Variants in SEMA3D observed in about 807,000 individuals in gnomAD.
SEMA3D encodes semaphorin 3D, also known as semaphorin-3D.
A neutral mutation model predicts 100.1 loss-of-function variants in SEMA3D; 84 were observed. That is an observed-to-expected ratio of 0.84 (90% CI 0.70 to 1.01). SEMA3D has a LOEUF of 1.01. Among genes scored for constraint, SEMA3D ranks in the 50% least tolerant of loss-of-function variants. SEMA3D has a pLI of 0.00. For missense variants in SEMA3D, 875 were observed against 934.1 expected, an observed-to-expected ratio of 0.94 and a Z score of 0.82; for synonymous variants, 312 against 320.7, an observed-to-expected ratio of 0.97 and a Z score of 0.29.
At chr7:85,078,890 G>T (rs553563840) in intron 5 of SEMA3D, among the ~76,000 whole-genome samples, 1 of 152,294 alleles carries the variant, frequency 6.6e-6, no homozygotes, top group Middle Eastern at 3.4e-3. Context: ...CGTAATAAAA[G>T]ATGTCAATAA....
At chr7:85,055,645 C>CATATATAT (rs56131427) in intron 9 of SEMA3D, 72 bp downstream of exon 9, 147 of 159,764 alleles carry the variant, frequency 9.2e-4, no homozygotes, top group Middle Eastern at 3.2e-3. Flanking sequence ...TTTTCATATA[C>CATATATAT]ATATATATAT....
upstream of SEMA3D, among the ~76,000 whole-genome samples, chr7:85,191,066 A>G (rs754054565): frequency 1.4e-4 from 21 of 152,136 alleles, no homozygotes; most frequent in Non-Finnish European, 5.9e-5. Flanking sequence ...TCTTAAGGCT[A>G]TATTTACTTA....
At chr7:85,166,417 G>A (rs1245001903) in intron 1 of SEMA3D, among the ~76,000 whole-genome samples, 1 of 151,924 alleles carries the variant, frequency 6.6e-6, no homozygotes, top group Non-Finnish European at 1.5e-5. Context: ...ACGATGGAAA[G>A]GAGGCAAGTT....
the SEMA3D span, among the ~76,000 whole-genome samples, chr7:85,240,460 T>C: frequency 6.6e-6 from 1 of 152,160 alleles, no homozygotes; most frequent in African/African-American, 2.4e-5. Flanking sequence ...TGTAGTTTAA[T>C]AATTTCTTCT....
the SEMA3D span, among the ~76,000 whole-genome samples, chr7:85,196,826 A>C: frequency 0.014 from 2,170 of 152,288 alleles, 45 homozygotes; most frequent in African/African-American, 0.05. Context: ...TAAAATGAAA[A>C]AGACAAAATG....
At chr7:85,150,410 A>G (rs1790343396) in intron 2 of SEMA3D, among the ~76,000 whole-genome samples, 1 of 144,682 alleles carries the variant, frequency 6.9e-6, no homozygotes, top group Non-Finnish European at 1.5e-5. Context: ...AGGGATATAT[A>G]TATATACACA....
chr7:85,096,939 C>T (rs1788574614), intron 4 of SEMA3D, among the ~76,000 whole-genome samples: 1 of 151,692 alleles, frequency 6.6e-6, no homozygotes, highest in Non-Finnish European at 1.5e-5. Flanking sequence ...TTAAACCGTG[C>T]AACTGCTCCT....
chr7:85,248,871 G>C, the SEMA3D span, among the ~76,000 whole-genome samples: 664 of 152,176 alleles, frequency 4.4e-3, 5 homozygotes, highest in African/African-American at 0.015. Context: ...TTTTAGAGGA[G>C]TAAAACTTCT....
Position 85,020,268 on chromosome 7 carries a change from C to T in SEMA3D, c.1468G>A (p.Glu490Lys), listed in dbSNP as rs1184265374. The change falls in exon 14 of 19, where the codon GAA becomes AAA. Residue 490 changes from glutamate to lysine, a missense_variant. By Grantham distance (56) the Glu-to-Lys change is moderately conservative. Transcript: ENST00000284136. ...TGCAACTCCTCCAGCACTACCTCTT[C>T]CATATTCCACTTTTCCTTTGAAATG... is the stretch of plus-strand genomic sequence containing the variant. ...VSISKEKWNM[E>K]EVVLEELQIF... is the part of the protein sequence containing the mutation. 5.0e-6 allele frequency: 8 copies of T among 1,610,100 alleles called. No homozygotes were observed.
upstream of SEMA3D, among the ~76,000 whole-genome samples, chr7:85,189,618 C>G (rs1483510161): frequency 6.6e-6 from 1 of 152,088 alleles, no homozygotes; most frequent in African/African-American, 2.4e-5. Context: ...TTAAAACCAC[C>G]TAATTGTTGC....
chr7:85,236,811 T>A, the SEMA3D span, among the ~76,000 whole-genome samples: 1 of 152,136 alleles, frequency 6.6e-6, no homozygotes, highest in East Asian at 1.9e-4. Flanking sequence ...AGCCAGATAA[T>A]GTATCAATTT....
chr7:85,150,827 G>T (rs1043159988), intron 2 of SEMA3D, among the ~76,000 whole-genome samples: 5 of 151,958 alleles, frequency 3.3e-5, no homozygotes, highest in Admixed American at 2.0e-4. Flanking sequence ...AGCCACACTG[G>T]AAAGGATCCA....
At chr7:85,242,648 A>G in the SEMA3D span, among the ~76,000 whole-genome samples, 3 of 152,162 alleles carry the variant, frequency 2.0e-5, no homozygotes, top group Admixed American at 6.6e-5. Context: ...GTCTCCAACA[A>G]TAATATTGGA....
intron 17 of SEMA3D, among the ~76,000 whole-genome samples, chr7:85,011,259 G>C (rs1178691486): frequency 6.6e-6 from 1 of 151,786 alleles, no homozygotes; most frequent in Admixed American, 6.6e-5. Flanking sequence ...GAGGGAGTTA[G>C]AGCTTAAGTA....
At chr7:85,019,885 G>C (rs927126949) in intron 14 of SEMA3D, among the ~76,000 whole-genome samples, 1 of 151,396 alleles carries the variant, frequency 6.6e-6, no homozygotes, top group African/African-American at 2.4e-5. Context: ...AATTCAATTG[G>C]GGAAAAATTG....
the SEMA3D span, among the ~76,000 whole-genome samples, chr7:85,208,516 A>C: frequency 4.0e-5 from 6 of 151,772 alleles, no homozygotes; most frequent in Admixed American, 2.0e-4. Context: ...ATGCTTGTGA[A>C]ATTTGGATTT....
At chr7:85,184,973 C>A (rs2116588661) in intron 1 of SEMA3D, among the ~76,000 whole-genome samples, 1 of 152,162 alleles carries the variant, frequency 6.6e-6, no homozygotes, top group Non-Finnish European at 1.5e-5. Context: ...TGTCTGGCCT[C>A]GGAGAAGGAA....
chr7:85,207,095 A>C, the SEMA3D span, among the ~76,000 whole-genome samples: 7 of 152,094 alleles, frequency 4.6e-5, no homozygotes, highest in Non-Finnish European at 1.0e-4. Flanking sequence ...TAGACAAGAG[A>C]ACAAATAGTG....
chr7:85,129,483 A>G (rs1036914335), intron 2 of SEMA3D, among the ~76,000 whole-genome samples: 2 of 152,142 alleles, frequency 1.3e-5, no homozygotes, highest in Admixed American at 6.6e-5. Flanking sequence ...ATATCTTATC[A>G]GACTGTGAGA....
Sources: gnomAD v4.1 joint callset for allele counts (sites outside exome capture counted in the v4.1 genomes callset) on GRCh38, gnomAD v4.1.1 for gene constraint, MANE v1.5 for transcripts, NCBI Gene and HGNC (gene_info 2026-07-23, HGNC 2026-07-21) for gene names.